EXOC2: variants seen among roughly 807,000 people sequenced by gnomAD.
EXOC2 encodes the protein SEC5-like 1.
In EXOC2, 70 loss-of-function variants were observed where a neutral mutation model predicts 131.8. That is an observed-to-expected ratio of 0.53 (90% CI 0.44 to 0.65). The LOEUF (loss-of-function observed/expected upper bound fraction) is 0.65, where lower values mean the gene tolerates loss of function less well. Among genes scored for constraint, EXOC2 ranks in the 30% least tolerant of loss-of-function variants. The pLI, the probability that EXOC2 is intolerant of heterozygous loss-of-function variation, is 0.00. For synonymous variants in EXOC2, 411 were observed against 398.4 expected, an observed-to-expected ratio of 1.03 and a Z score of -0.38; for missense variants, 923 against 1,108.6, an observed-to-expected ratio of 0.83 and a Z score of 2.38.
At position 685,869 on chromosome 6, in the gene EXOC2, C is replaced by CTTTTTTTTTTTTTTTT. The variant is rs58892194; in HGVS notation, c.-44+7134_-44+7149dup. Among the ~76,000 whole-genome samples the CTTTTTTTTTTTTTTTT allele has an allele frequency of 5.6e-4, 55 of 98,260 alleles. 3 individuals carry two copies. Among genetic ancestry groups the CTTTTTTTTTTTTTTTT allele is most frequent in the Admixed American group, 8.8e-4 (8 of 9,056 alleles). 64.5% of individuals were successfully genotyped at this position (98,260 alleles called of 152,430 possible). A position where few individuals can be genotyped will look rare whatever the true frequency, so the allele number is the denominator to read the frequency against. On this transcript the variant is annotated intron_variant, in intron 1 of 27. Transcript: ENST00000230449. ...TAATGTATCCTGCTTTCCTGGACCT[C>CTTTTTTTTTTTTTTTT]TTTTTTTTTTTTTTTTTTTTTTTTG... is the stretch of plus-strand genomic sequence containing the variant.
At chr6:490,675 C>G (rs1201282089) in intron 26 of EXOC2, among the ~76,000 whole-genome samples, 3 of 152,208 alleles carry the variant, frequency 2.0e-5, no homozygotes, top group African/African-American at 7.2e-5. Context: ...CACAGACAAA[C>G]AGTAGTTCTG....
chr6:499,759 C>G, intron 23 of EXOC2, 59 bp from the exon 24 acceptor site: 1 of 1,404,358 alleles, frequency 7.1e-7, no homozygotes, highest in South Asian at 1.2e-5. Flanking sequence ...CTCCCCTCCC[C>G]TGCTGGCAGG....
At chr6:634,011 A>G (rs1761980907) in intron 2 of EXOC2, among the ~76,000 whole-genome samples, 1 of 152,130 alleles carries the variant, frequency 6.6e-6, no homozygotes, top group South Asian at 2.1e-4. Flanking sequence ...AATGTAATTA[A>G]TATTTATGGA....
intron 23 of EXOC2, among the ~76,000 whole-genome samples, chr6:508,509 T>C (rs898341482): frequency 2.6e-5 from 4 of 152,234 alleles, no homozygotes; most frequent in Admixed American, 2.6e-4. Context: ...TAGTTTCTCC[T>C]GTTACAGAGT....
chr6:659,919 C>T (rs908763373), intron 1 of EXOC2, among the ~76,000 whole-genome samples: 3 of 151,576 alleles, frequency 2.0e-5, no homozygotes, highest in African/African-American at 7.3e-5. Flanking sequence ...GGGACAGAAC[C>T]CAGCCTTTTT....
chr6:674,210 G>A (rs948025667), intron 1 of EXOC2, among the ~76,000 whole-genome samples: 5 of 152,036 alleles, frequency 3.3e-5, no homozygotes, highest in Admixed American at 3.3e-4. Flanking sequence ...GCCAAAATGA[G>A]TTTTTTATTG....
At chr6:537,079 CAAT>C (rs148912459) in intron 22 of EXOC2, among the ~76,000 whole-genome samples, 2,063 of 152,256 alleles carry the variant, frequency 0.014, 20 homozygotes, top group Non-Finnish European at 0.023. Context: ...AATAAAGCAA[CAAT>C]GAGACTGGCT....
At chr6:609,758 C>T (rs1227321916) in intron 7 of EXOC2, among the ~76,000 whole-genome samples, 1 of 152,160 alleles carries the variant, frequency 6.6e-6, no homozygotes. Context: ...GGCTCCTCCA[C>T]GTTGCTGGTC....
chr6:581,732 T>C (rs141415732), intron 11 of EXOC2, among the ~76,000 whole-genome samples: 1 of 137,528 alleles, frequency 7.3e-6, no homozygotes, highest in Non-Finnish European at 1.6e-5. Context: ...AATTAGTATC[T>C]TGGAAGGAAA....
At chr6:685,127 AAC>A (rs35607623) in intron 1 of EXOC2, among the ~76,000 whole-genome samples, 89 of 149,014 alleles carry the variant, frequency 6.0e-4, no homozygotes, top group East Asian at 9.8e-4. Context: ...ATCATTTGAA[AAC>A]ACACACACAC....
In EXOC2 at chr6:610,118, T is replaced by A. The variant is rs560487298; in HGVS notation, c.722A>T (p.Lys241Ile). 84 of 1,614,108 alleles carry A rather than the reference T, an allele frequency of 5.2e-5. No individual in the cohort carries two copies. In the South Asian group the frequency reaches 9.2e-4, roughly 18 times the overall value. The change falls in exon 7 of 28, where the codon AAA becomes ATA. Residue 241 changes from lysine (K) to isoleucine (I), a missense_variant. By Grantham distance (102) the Lys-to-Ile change is moderately radical (BLOSUM62 -3). Coordinates refer to ENST00000230449, the MANE Select transcript of EXOC2 (RefSeq NM_018303.6). ...CTTACTGTTCAGAACATTCTCCAGTTTCTGCGTCATGGATCCTTCTACTTT... is the reference window on the plus strand; with the variant it reads ...CTTACTGTTCAGAACATTCTCCAGTATCTGCGTCATGGATCCTTCTACTTT... The part of the protein sequence containing the change: ...TEKVEGSMTQ[K>I]LENVLNRASN...
At chr6:603,296 CAA>C (rs1458434042) in intron 7 of EXOC2, among the ~76,000 whole-genome samples, 1 of 152,156 alleles carries the variant, frequency 6.6e-6, no homozygotes, top group Non-Finnish European at 1.5e-5. Context: ...TACAAATTCA[CAA>C]AGAGACCTAA....
chr6:684,687 A>C (rs899979397), intron 1 of EXOC2, among the ~76,000 whole-genome samples: 2 of 152,188 alleles, frequency 1.3e-5, no homozygotes, highest in Admixed American at 6.5e-5. Flanking sequence ...CTGTGGCACA[A>C]TTTTAATTTT....
At position 507,361 on chromosome 6, in the gene EXOC2, CACA is replaced by C. The variant is rs1764626567; in HGVS notation, c.2381-7664_2381-7662del. 7.7e-5 allele frequency among the ~76,000 whole-genome samples: 3 copies of C among 39,088 alleles called. No individual in the cohort carries two copies. The East Asian group carries it at 0.02, about 264-fold the overall frequency. The allele number at this position is 39,088 out of a possible 152,430, so 25.6% of individuals were successfully genotyped here. ...CACACACACCACAGCAGTGACCCCA[CACA>C]CACACACACACACACAGAGTGCTCC... On this transcript the variant is annotated intron_variant, in intron 23 of 27. Coordinates refer to ENST00000230449, the MANE Select transcript of EXOC2 (RefSeq NM_018303.6).
intron 7 of EXOC2, among the ~76,000 whole-genome samples, chr6:609,724 T>G (rs948131866): frequency 1.3e-5 from 2 of 152,196 alleles, no homozygotes; most frequent in African/African-American, 4.8e-5. Flanking sequence ...TTATTTGCAT[T>G]AATGCTGGGA....
chr6:604,563 A>G (rs1329767569), intron 7 of EXOC2, among the ~76,000 whole-genome samples: 3 of 152,188 alleles, frequency 2.0e-5, no homozygotes, highest in African/African-American at 7.2e-5. Context: ...ATTTGTCTTC[A>G]GAATAAAGAC....
At chr6:597,163 C>A (rs1759863890) in intron 10 of EXOC2, among the ~76,000 whole-genome samples, 1 of 152,094 alleles carries the variant, frequency 6.6e-6, no homozygotes, top group African/African-American at 2.4e-5. Flanking sequence ...AAATTCACCT[C>A]TCTTAATATC....
intron 1 of EXOC2, among the ~76,000 whole-genome samples, chr6:684,239 T>C (rs1764543879): frequency 6.6e-6 from 1 of 152,018 alleles, no homozygotes; most frequent in Non-Finnish European, 1.5e-5. Context: ...GTCTTCCCTA[T>C]GTGCAGCTGG....
At chr6:656,052 G>C in intron 1 of EXOC2, 1 of 1,308,464 alleles carries the variant, frequency 7.6e-7, no homozygotes, top group African/African-American at 1.5e-5. Context: ...CTCAGGGTCT[G>C]TTTTAGTTTT....
Sources: gnomAD v4.1 joint callset for allele counts (sites outside exome capture counted in the v4.1 genomes callset) on GRCh38, gnomAD v4.1.1 for gene constraint, MANE v1.5 for transcripts, NCBI Gene and HGNC (gene_info 2026-07-23, HGNC 2026-07-21) for gene names.